SAMTOR: variants seen among roughly 807,000 people sequenced by gnomAD.
SAMTOR encodes the protein S-adenosylmethionine sensor upstream of mTORC1.
At chr7:112,858,637 T>A in the SAMTOR span, among the ~76,000 whole-genome samples, 1 of 152,200 alleles carries the variant, frequency 6.6e-6, no homozygotes, top group Non-Finnish European at 1.5e-5. Context: ...TAATGTGATT[T>A]TAATATATGT....
At chr7:112,821,614 C>T in the SAMTOR span, 1 of 845,360 alleles carries the variant, frequency 1.2e-6, no homozygotes, top group Non-Finnish European at 1.7e-6. Context: ...AAAAAAATAG[C>T]AAACTCTGTA....
chr7:112,914,991 A>C, the SAMTOR span, among the ~76,000 whole-genome samples: 4 of 152,138 alleles, frequency 2.6e-5, no homozygotes, highest in African/African-American at 4.8e-5. Context: ...CTGTAATCCA[A>C]GCACTTTGGG....
chr7:112,864,375 G>C, the SAMTOR span, among the ~76,000 whole-genome samples: 116 of 152,078 alleles, frequency 7.6e-4, no homozygotes, highest in Non-Finnish European at 1.5e-3. Context: ...TTGTACCCCT[G>C]AATTTAAAAG....
the SAMTOR span, among the ~76,000 whole-genome samples, chr7:112,867,763 C>T: frequency 6.6e-6 from 1 of 152,170 alleles, no homozygotes; most frequent in African/African-American, 2.4e-5. Context: ...AGCTTGTTTA[C>T]CAAATACAGT....
chr7:112,930,073 A>G, the SAMTOR span, among the ~76,000 whole-genome samples: 1 of 152,174 alleles, frequency 6.6e-6, no homozygotes, highest in Non-Finnish European at 1.5e-5. Context: ...ATATTGCCAA[A>G]TACGGGCCCT....
chr7:112,822,656 A>C, the SAMTOR span, among the ~76,000 whole-genome samples: 20 of 152,124 alleles, frequency 1.3e-4, no homozygotes, highest in Non-Finnish European at 2.8e-4. Context: ...TGGGACTTAC[A>C]TGAATTTTAA....
At chr7:112,902,018 G>A in the SAMTOR span, among the ~76,000 whole-genome samples, 9 of 152,078 alleles carry the variant, frequency 5.9e-5, no homozygotes, top group South Asian at 1.0e-3. Context: ...TAATTACTAA[G>A]TAAAAGAAGC....
the SAMTOR span, chr7:112,939,815 T>A: frequency 6.8e-6 from 9 of 1,330,250 alleles, no homozygotes; most frequent in Middle Eastern, 2.6e-4. Context: ...ATGGAGGAGG[T>A]GGGGTAGGAG....
At chr7:112,828,466 T>C in the SAMTOR span, among the ~76,000 whole-genome samples, 1 of 152,190 alleles carries the variant, frequency 6.6e-6, no homozygotes, top group African/African-American at 2.4e-5. Context: ...TGTTTCTGAG[T>C]TAAAATTTCT....
the SAMTOR span, among the ~76,000 whole-genome samples, chr7:112,897,872 G>T: frequency 6.6e-6 from 1 of 152,160 alleles, no homozygotes; most frequent in Non-Finnish European, 1.5e-5. Context: ...TCAGTTAAGA[G>T]ATCACAGTTC....
the SAMTOR span, among the ~76,000 whole-genome samples, chr7:112,861,721 A>G: frequency 1.3e-5 from 2 of 152,138 alleles, no homozygotes; most frequent in African/African-American, 4.8e-5. Context: ...CTAAAAGTGG[A>G]CCTACTGTCT....
chr7:112,901,798 C>T, the SAMTOR span, among the ~76,000 whole-genome samples: 28 of 152,324 alleles, frequency 1.8e-4, no homozygotes, highest in East Asian at 3.7e-3. Context: ...GTGGAAGCAA[C>T]AAGAATGCTT....
chr7:112,872,084 C>A, the SAMTOR span, among the ~76,000 whole-genome samples: 204 of 152,124 alleles, frequency 1.3e-3, no homozygotes, highest in African/African-American at 4.6e-3. Flanking sequence ...ACTATCCCCC[C>A]AAAAAAATCG....
the SAMTOR span, among the ~76,000 whole-genome samples, chr7:112,924,423 A>G: frequency 2.0e-5 from 3 of 152,182 alleles, no homozygotes; most frequent in Non-Finnish European, 2.9e-5. Context: ...CTACAGTCTA[A>G]TAAGTACTGA....
chr7:112,902,448 A>AAAAAAAAAAAAC, the SAMTOR span, among the ~76,000 whole-genome samples: 3 of 120,344 alleles, frequency 2.5e-5, no homozygotes, highest in Admixed American at 9.0e-5. Flanking sequence ...ACAAAAAAAA[A>AAAAAAAAAAAAC]CAAAAAAAAA....
chr7:112,905,217 C>A, the SAMTOR span, among the ~76,000 whole-genome samples: 1,618 of 152,268 alleles, frequency 0.011, 29 homozygotes, highest in African/African-American at 0.037. Flanking sequence ...TCCTTTAGCT[C>A]CTGCTTCTGA....
the SAMTOR span, among the ~76,000 whole-genome samples, chr7:112,891,655 T>A: frequency 6.6e-6 from 1 of 152,194 alleles, no homozygotes; most frequent in African/African-American, 2.4e-5. Context: ...GTTACAAAAT[T>A]TTTTTGGTTT....
the SAMTOR span, among the ~76,000 whole-genome samples, chr7:112,866,788 T>C: frequency 6.6e-6 from 1 of 152,224 alleles, no homozygotes; most frequent in Non-Finnish European, 1.5e-5. Flanking sequence ...CAGGCCTGAA[T>C]ACTACATCTC....
the SAMTOR span, among the ~76,000 whole-genome samples, chr7:112,857,093 T>C: frequency 7.0e-6 from 1 of 142,542 alleles, no homozygotes; most frequent in Non-Finnish European, 1.5e-5. Context: ...TTTTTTTTTT[T>C]TTTTTTTTTT....
Sources: gnomAD v4.1 joint callset for allele counts (sites outside exome capture counted in the v4.1 genomes callset) on GRCh38, gnomAD v4.1.1 for gene constraint, MANE v1.5 for transcripts, NCBI Gene and HGNC (gene_info 2026-07-23, HGNC 2026-07-21) for gene names.